Variants in IREB2 observed in about 807,000 individuals in gnomAD.
The protein encoded by IREB2 is iron responsive element binding protein 2.
Under a neutral mutation model 118.8 loss-of-function variants are expected in IREB2, and 39 were observed. The observed-to-expected ratio is 0.33, with a 90% CI of 0.25 to 0.43. The LOEUF is 0.43. Among genes scored for constraint, IREB2 ranks in the 20% least tolerant of loss-of-function variants. The pLI, the probability that IREB2 is intolerant of heterozygous loss-of-function variation, is 1.00. For synonymous variants in IREB2, 372 were observed against 392.2 expected (o/e 0.95, Z 0.61); for missense variants, 900 against 1,147.3 (o/e 0.78, Z 3.11).
intron 2 of IREB2, among the ~76,000 whole-genome samples, chr15:78,460,854 T>A (rs1027355910): frequency 1.2e-4 from 18 of 151,982 alleles, no homozygotes; most frequent in African/African-American, 3.6e-4. Context: ...AGCTTCATTT[T>A]AAAAAAAATT....
intron 1 of IREB2, chr15:78,438,645 G>A (rs2050794482): frequency 4.1e-6 from 2 of 484,320 alleles, no homozygotes; most frequent in Non-Finnish European, 7.4e-6. Flanking sequence ...GCTGCCAGCG[G>A]CTTCCTGGCC....
chr15:78,448,566 C>T (rs1271887607), intron 2 of IREB2, among the ~76,000 whole-genome samples: 1 of 152,220 alleles, frequency 6.6e-6, no homozygotes, highest in Non-Finnish European at 1.5e-5. Context: ...CCTATCCCGC[C>T]TGGTTCTGGT....
chr15:78,454,204 A>G (rs1203764687), intron 2 of IREB2, among the ~76,000 whole-genome samples: 2 of 152,258 alleles, frequency 1.3e-5, no homozygotes, highest in South Asian at 2.1e-4. Flanking sequence ...TCCAAGAAAA[A>G]TGAAAACATT....
chr15:78,488,349 T>A lies in IREB2; in HGVS notation c.1951+13T>A, dbSNP rs1452674253. 4.5e-6 allele frequency: 7 copies of A among 1,570,682 alleles called. No homozygotes were observed. The highest frequency in any genetic ancestry group is 6.0e-6 in the Non-Finnish European group (7 of 1,164,452). ...ACAGAACCTTTAGGTATCTTTTCCT[T>A]TATGTATATGTATACCTACACATAC... On this transcript the variant is annotated intron_variant, in intron 15 of 21. Coordinates refer to ENST00000258886, the MANE Select transcript of IREB2 (RefSeq NM_004136.4).
rs2051736091 is a variant in IREB2, at chr15:78,490,689, C to T, written c.2252C>T (p.Thr751Ile). The T allele has an allele frequency of 4.3e-6, 7 of 1,613,828 alleles. No individual in the cohort carries two copies. Among genetic ancestry groups the T allele is most frequent in the Non-Finnish European group, 5.9e-6 (7 of 1,179,730 alleles). ...TTATTATATTTGGGAGACTCTGTCA[C>T]AACAGATCATATATCACCTGCAGGA... ...HVLLYLGDSV[T>I]TDHISPAGSI... Residue 751 changes from threonine to isoleucine, a missense_variant, in exon 18 of 22, where the codon ACA (threonine) becomes ATA (isoleucine). By Grantham distance (89) the Thr-to-Ile change is moderately conservative. Coordinates refer to ENST00000258886, the MANE Select transcript of IREB2 (RefSeq NM_004136.4).
chr15:78,470,776 C>G (rs1156783216), intron 6 of IREB2, 175 bp downstream of exon 6: 3 of 391,940 alleles, frequency 7.7e-6, no homozygotes, highest in Non-Finnish European at 1.4e-5. Context: ...CTTACTGCAG[C>G]CTCCACCTCC....
rs147568623 is a variant in IREB2 at position 78,439,526 on chromosome 15, A to G, written c.20-269A>G. On this transcript the variant is annotated intron_variant, in intron 1 of 21. Transcript: ENST00000258886. ...ACTTGACAAATTATGGTTTAGAACT[A>G]TGCTTTCCAGTGTGGTGGATACTAG... Among the ~76,000 whole-genome samples, 153 of 152,344 alleles carry G rather than the reference A, an allele frequency of 1.0e-3. 1 individual carries two copies. Among genetic ancestry groups the G allele is most frequent in the African/African-American group, 3.3e-3 (138 of 41,590 alleles).
chr15:78,439,542 T>G (rs2141438921), intron 1 of IREB2, among the ~76,000 whole-genome samples: 1 of 152,330 alleles, frequency 6.6e-6, no homozygotes, highest in East Asian at 1.9e-4. Flanking sequence ...TCCAGTGTGG[T>G]GGATACTAGC....
At chr15:78,465,430 T>C (rs750215754) in intron 4 of IREB2, 42 bp downstream of exon 4, 1 of 1,556,964 alleles carries the variant, frequency 6.4e-7, no homozygotes, top group Admixed American at 1.9e-5. Context: ...TGCAAGTTAA[T>C]TGGCTGGAAA....
chr15:78,478,924 T>A (rs1388568576), intron 10 of IREB2, among the ~76,000 whole-genome samples: 2 of 152,084 alleles, frequency 1.3e-5, no homozygotes, highest in East Asian at 3.9e-4. Flanking sequence ...AAATGCTCAA[T>A]AAGGGGTAGC....
In IREB2 at chr15:78,480,951, A is replaced by G. The variant is rs578205389; in HGVS notation, c.1297-2367A>G. On this transcript the variant is annotated intron_variant, in intron 10 of 21. Transcript: ENST00000258886. ...TTGAACCTGGGAGACAGAGGTTGCA[A>G]TGAGCTGAGATGGCACCACTGTATT... Among the ~76,000 whole-genome samples, 4 of 150,932 alleles carry G rather than the reference A, an allele frequency of 2.7e-5. 1 individual carries two copies. Among genetic ancestry groups the G allele is most frequent in the South Asian group, 2.1e-4 (1 of 4,732 alleles).
At chr15:78,449,611 G>C (rs1331605315) in intron 2 of IREB2, among the ~76,000 whole-genome samples, 1 of 152,198 alleles carries the variant, frequency 6.6e-6, no homozygotes, top group Non-Finnish European at 1.5e-5. Context: ...TTAAAACTCT[G>C]CAGAACAAGC....
intron 2 of IREB2, among the ~76,000 whole-genome samples, chr15:78,440,798 C>A (rs575486466): frequency 1.2e-4 from 19 of 152,246 alleles, no homozygotes; most frequent in Admixed American, 7.2e-4. Flanking sequence ...ACCTACACAC[C>A]TGCAGTTTTG....
In IREB2 at chr15:78,466,337, T is replaced by A; in HGVS notation, c.477T>A (p.Leu159=). The part of the protein sequence containing the change: ...DLQKAGKLSP[L]KVQPKKLPCR... ...AGAAAGCAGGAAAGCTCTCTCCACT[T>A]AAAGTGCAGCCTAAGAAGCTTCCCT... Residue 159 remains leucine (L), a synonymous_variant, in exon 5 of 22, where the codon CTT becomes CTA. Transcript: ENST00000258886. 1.2e-6 allele frequency: 2 copies of A among 1,614,026 alleles called. No individual in the cohort carries two copies. Among genetic ancestry groups the A allele is most frequent in the Non-Finnish European group, 1.7e-6 (2 of 1,179,920 alleles).
chr15:78,490,458 G>C lies in IREB2; in HGVS notation c.2113G>C (p.Asp705His). 6.2e-7 allele frequency: 1 copy of C among 1,607,266 alleles called. No homozygotes were observed. The highest frequency in any genetic ancestry group is 1.1e-5 in the South Asian group (1 of 89,388). Residue 705 changes from aspartate to histidine, a missense_variant, in exon 17 of 22, where the codon GAT (aspartate) becomes CAT (histidine). Transcript: ENST00000258886. ...ACGGTGGAATTCCTTAGAAGCACCG[G>C]ATTCAGTTTTGTTTCCATGGGACTT... ...NKRWNSLEAP[D>H]SVLFPWDLKS...
intron 2 of IREB2, among the ~76,000 whole-genome samples, chr15:78,458,237 A>G (rs2051137540): frequency 6.6e-6 from 1 of 152,252 alleles, no homozygotes; most frequent in Non-Finnish European, 1.5e-5. Flanking sequence ...TTCAAACATG[A>G]AAGTAGGGAA....
chr15:78,490,635 C>T lies in IREB2; in HGVS notation c.2198C>T (p.Ala733Val). The T allele has an allele frequency of 6.2e-7, 1 of 1,614,048 alleles. No individual in the cohort carries two copies. The highest frequency in any genetic ancestry group is 8.5e-7 in the Non-Finnish European group (1 of 1,179,964). Residue 733 changes from alanine (A) to valine (V), a missense_variant, in exon 18 of 22, where the codon GCA becomes GTA. By Grantham distance (64) the Ala-to-Val change is moderately conservative. Transcript: ENST00000258886. Reference sequence around the variant, plus strand: ...ACCTTCTAGACCAAAGAGCCAATTGCACTCCAGGCTATTGAAAATGCCCAT... The same window carrying T: ...ACCTTCTAGACCAAAGAGCCAATTGTACTCCAGGCTATTGAAAATGCCCAT... ...FFDKLTKEPI[A>V]LQAIENAHVL...
intron 10 of IREB2, among the ~76,000 whole-genome samples, chr15:78,482,712 A>C (rs1333901794): frequency 6.6e-6 from 1 of 151,526 alleles, no homozygotes; most frequent in African/African-American, 2.4e-5. Flanking sequence ...CTGTTAAGAC[A>C]GTGTTTATCT....
intron 2 of IREB2, among the ~76,000 whole-genome samples, chr15:78,444,297 T>C (rs2050892797): frequency 6.6e-6 from 1 of 152,000 alleles, no homozygotes; most frequent in African/African-American, 2.4e-5. Context: ...ACAGTTAACA[T>C]CAGAGAATTA....
Sources: allele counts gnomAD v4.1 joint callset (sites outside exome capture counted in the v4.1 genomes callset), GRCh38; gene constraint gnomAD v4.1.1; transcripts MANE v1.5; gene names NCBI Gene and HGNC (gene_info 2026-07-23, HGNC 2026-07-21).